Variants in DST observed in about 807,000 individuals in gnomAD.
DST encodes the protein dystonin.
Under a neutral mutation model 875.2 loss-of-function variants are expected in DST, and 253 were observed. That is an observed-to-expected ratio of 0.29 (90% CI 0.26 to 0.32). The LOEUF (loss-of-function observed/expected upper bound fraction) is 0.32, where lower values mean the gene tolerates loss of function less well. Ranked by LOEUF, DST falls within the 10% of genes least tolerant of loss-of-function variation. The probability of loss-of-function intolerance (pLI) is 1.00; values close to 1 mark genes in which losing one functional copy is unlikely to be tolerated. For missense variants in DST, 8,287 were observed against 9,111.6 expected (o/e 0.91, Z 3.68); for synonymous variants, 3,124 against 3,197.1 (o/e 0.98, Z 0.77).
rs190105379 is a variant in DST at position 56,582,744 on chromosome 6, C to G, written c.12904-3807G>C. Among the ~76,000 whole-genome samples, 346 of 152,122 alleles carry G rather than the reference C, an allele frequency of 2.3e-3. 1 individual carries two copies. The highest frequency in any genetic ancestry group is 5.7e-3 in the African/African-American group (236 of 41,482). On this transcript the variant is annotated intron_variant, in intron 49 of 103. Transcript: ENST00000680361. ...ATATCTCCTAATGCTATCTCTCCCC[C>G]CTACCCCCACCCCACAACAGGCCCC...
Position 56,604,302 on chromosome 6 carries a change from A to T in DST, c.10326T>A (p.Ser3442=). The T allele has an allele frequency of 6.2e-7, 1 of 1,612,384 alleles. No individual in the cohort carries two copies. Among genetic ancestry groups the T allele is most frequent in the African/African-American group, 1.3e-5 (1 of 74,976 alleles). Reference sequence around the variant, plus strand: ...GCTTCAATATATTAAGGAGAAGCTCAGACTTAAGATTTCCAATACAGAAAG... The same window carrying T: ...GCTTCAATATATTAAGGAGAAGCTCTGACTTAAGATTTCCAATACAGAAAG... ...DDPFCIGNLK[S]ELLLNILKQD... Residue 3442 remains serine (S), a synonymous_variant, in exon 40 of 104, where the codon TCT becomes TCA. Coordinates refer to ENST00000680361, the MANE Select transcript of DST (RefSeq NM_001374736.1).
chr6:56,772,778 T>G (rs924196455), intron 4 of DST, among the ~76,000 whole-genome samples: 1 of 152,154 alleles, frequency 6.6e-6, no homozygotes. Context: ...ATAGCCAGCC[T>G]CCAGGAGGAA....
At chr6:56,818,922 A>G (rs1270703112) in intron 4 of DST, among the ~76,000 whole-genome samples, 1 of 152,152 alleles carries the variant, frequency 6.6e-6, no homozygotes, top group African/African-American at 2.4e-5. Flanking sequence ...TGAATAACGC[A>G]TGTATACACT....
intron 49 of DST, among the ~76,000 whole-genome samples, chr6:56,579,838 G>A (rs2097934705): frequency 6.6e-6 from 1 of 152,206 alleles, no homozygotes; most frequent in African/African-American, 2.4e-5. Context: ...GGGCTTTTGG[G>A]TAAGGGGTTG....
intron 80 of DST, among the ~76,000 whole-genome samples, chr6:56,499,874 G>A (rs1253403709): frequency 6.6e-6 from 1 of 152,080 alleles, no homozygotes; most frequent in East Asian, 1.9e-4. Context: ...TTTGTTGCTA[G>A]GCAGTTGGTC....
intron 4 of DST, among the ~76,000 whole-genome samples, chr6:56,787,127 A>C (rs2099706938): frequency 6.6e-6 from 1 of 152,240 alleles, no homozygotes; most frequent in Non-Finnish European, 1.5e-5. Context: ...AACTGGAGAC[A>C]CAAAAAATGG....
chr6:56,730,776 C>T (rs967986282), intron 5 of DST, among the ~76,000 whole-genome samples: 1 of 152,110 alleles, frequency 6.6e-6, no homozygotes, highest in Non-Finnish European at 1.5e-5. Context: ...GTGTTAACTG[C>T]ACTTTATTCT....
chr6:56,816,658 C>G (rs1332569498), intron 4 of DST, among the ~76,000 whole-genome samples: 2 of 152,116 alleles, frequency 1.3e-5, no homozygotes, highest in African/African-American at 4.8e-5. Context: ...ATAGGAATCC[C>G]CTATCGCGTG....
chr6:56,632,238 C>A lies in DST; in HGVS notation c.3806-198G>T, dbSNP rs551101228. Reference sequence around the variant, plus strand: ...AATTTAAGAAGAATTAATAAAATTTCCCAAATGCCATTTGAAGTACCAATT... The same window carrying A: ...AATTTAAGAAGAATTAATAAAATTTACCAAATGCCATTTGAAGTACCAATT... On this transcript the variant is annotated intron_variant, in intron 28 of 103. Coordinates refer to ENST00000680361, the MANE Select transcript of DST (RefSeq NM_001374736.1). Among the ~76,000 whole-genome samples the A allele has an allele frequency of 2.0e-5, 3 of 152,176 alleles. No individual in the cohort carries two copies. In the Middle Eastern group the frequency reaches 0.01, roughly 518 times the overall value.
chr6:56,654,925 C>G (rs557788845), intron 10 of DST, among the ~76,000 whole-genome samples: 1 of 152,074 alleles, frequency 6.6e-6, no homozygotes, highest in East Asian at 1.9e-4. Flanking sequence ...CTTTTGGAGG[C>G]CGAGATGGGA....
chr6:56,665,087 A>G (rs1343471917), intron 10 of DST, among the ~76,000 whole-genome samples: 1 of 152,168 alleles, frequency 6.6e-6, no homozygotes, highest in African/African-American at 2.4e-5. Context: ...ATAATGTGAC[A>G]TACTAAAACT....
chr6:56,656,317 A>G (rs1158361204), intron 10 of DST, among the ~76,000 whole-genome samples: 1 of 152,260 alleles, frequency 6.6e-6, no homozygotes, highest in East Asian at 1.9e-4. Flanking sequence ...GAAGTATAAA[A>G]GTTTCAAAAA....
Position 56,501,630 on chromosome 6 carries a change from G to C in DST, c.19630C>G (p.Leu6544Val), listed in dbSNP as rs1314348115. ...TCTTCTGTTACTTTCTTTAGCAAAA[G>C]CTCTGCTTGATGATTCAGTCTTTCC... ...EMERLNHQAE[L>V]LLKKVTEESD... The change falls in exon 79 of 104, where the codon CTT becomes GTT. Residue 6544 changes from leucine (L) to valine (V), a missense_variant. By Grantham distance (32) the Leu-to-Val change is conservative. This residue lies in a region of DST where 1,292 missense variants were observed against 1,552.7 expected (regional missense o/e 0.83). Coordinates refer to ENST00000680361, the MANE Select transcript of DST (RefSeq NM_001374736.1). 1 of 1,609,062 alleles carries C rather than the reference G, an allele frequency of 6.2e-7. No individual in the cohort carries two copies. The highest frequency in any genetic ancestry group is 8.5e-7 in the Non-Finnish European group (1 of 1,177,894).
intron 4 of DST, among the ~76,000 whole-genome samples, chr6:56,762,563 T>C (rs773571892): frequency 1.2e-4 from 19 of 152,220 alleles, no homozygotes; most frequent in Non-Finnish European, 1.8e-4. Flanking sequence ...AACTATATAC[T>C]TCTTTAAAGA....
intron 4 of DST, among the ~76,000 whole-genome samples, chr6:56,838,743 T>C (rs2099796559): frequency 6.6e-6 from 1 of 152,242 alleles, no homozygotes; most frequent in Admixed American, 6.5e-5. Flanking sequence ...TATACACTCC[T>C]TATTGTGTGA....
At chr6:56,792,942 A>T (rs2099730563) in intron 4 of DST, among the ~76,000 whole-genome samples, 4 of 151,662 alleles carry the variant, frequency 2.6e-5, no homozygotes. Flanking sequence ...GGTGGCATGT[A>T]CCTGTAGTCC....
At position 56,896,338 on chromosome 6, in the gene DST, A is replaced by G. The variant is rs377698536; in HGVS notation, c.417+4083T>C. 2.4e-4 allele frequency among the ~76,000 whole-genome samples: 37 copies of G among 152,224 alleles called. No individual in the cohort carries two copies. The South Asian group carries it at 3.7e-3, about 15-fold the overall frequency. ...CCCCATGCTATTCTCATGATAGTGA[A>G]TAAGTCTCATGAGATCTGATGGGTT... is the stretch of plus-strand genomic sequence containing the variant. On this transcript the variant is annotated intron_variant, in intron 3 of 103. Transcript: ENST00000680361.
At chr6:56,569,744 A>C (rs1310296704) in intron 54 of DST, 112 bp downstream of exon 54, 2 of 912,404 alleles carry the variant, frequency 2.2e-6, no homozygotes, top group Non-Finnish European at 3.4e-6. Flanking sequence ...TATACAGTAC[A>C]TATATGAGGA....
intron 2 of DST, among the ~76,000 whole-genome samples, chr6:56,911,663 A>G (rs1249141525): frequency 6.6e-6 from 1 of 152,174 alleles, no homozygotes; most frequent in Non-Finnish European, 1.5e-5. Context: ...AAAATATAGT[A>G]TGTCTCTGAT....
Sources: gnomAD v4.1 joint callset for allele counts (sites outside exome capture counted in the v4.1 genomes callset) on GRCh38, gnomAD v4.1.1 for gene constraint, gnomAD v4.1.1 regional missense constraint, MANE v1.5 for transcripts, NCBI Gene and HGNC (gene_info 2026-07-23, HGNC 2026-07-21) for gene names.